Variants in CFAP161 observed in about 807,000 individuals in gnomAD.
CFAP161 encodes cilia- and flagella-associated protein 161.
Under a neutral mutation model 29.0 loss-of-function variants are expected in CFAP161, and 25 were observed. The observed-to-expected ratio is 0.86, with a 90% CI of 0.63 to 1.20. CFAP161 has a LOEUF of 1.20. Ranked by LOEUF, CFAP161 falls within the 50% of genes most tolerant of loss-of-function variation. The pLI is 0.00. For synonymous variants in CFAP161, 116 were observed against 137.4 expected, an observed-to-expected ratio of 0.84 and a Z score of 1.09; for missense variants, 367 against 371.9, an observed-to-expected ratio of 0.99 and a Z score of 0.11.
intron 2 of CFAP161, among the ~76,000 whole-genome samples, chr15:81,128,670 T>C (rs1202396893): frequency 6.6e-6 from 1 of 152,214 alleles, no homozygotes; most frequent in Admixed American, 6.5e-5. Flanking sequence ...CTCTCATTAA[T>C]GTTGATATTT....
At chr15:81,125,722 T>C (rs970256861) in intron 1 of CFAP161, among the ~76,000 whole-genome samples, 1 of 152,212 alleles carries the variant, frequency 6.6e-6, no homozygotes, top group Admixed American at 6.5e-5. Flanking sequence ...GATTTTACTA[T>C]GTAAACACAG....
At chr15:81,140,229 A>T (rs1489818154) in intron 4 of CFAP161, among the ~76,000 whole-genome samples, 1 of 152,174 alleles carries the variant, frequency 6.6e-6, no homozygotes, top group Non-Finnish European at 1.5e-5. Flanking sequence ...AGTAAAATGT[A>T]ATTCCTTCCA....
intron 1 of CFAP161, among the ~76,000 whole-genome samples, chr15:81,117,374 C>T (rs570414551): frequency 1.3e-5 from 2 of 152,134 alleles, no homozygotes; most frequent in African/African-American, 4.8e-5. Flanking sequence ...CACGCTACAG[C>T]AAGAGTCTCA....
Position 81,134,320 on chromosome 15 carries a change from G to A in CFAP161, c.-10G>A. The stretch of plus-strand genomic sequence containing the variant: ...CGGAGGGAGGCCCACTTGCTGAACA[G>A]CAGGGAGCGATGGCGCAGAACGTGT... On this transcript the variant is annotated 5_prime_UTR_variant, in exon 1 of 7. Transcript: ENST00000286732. 1.3e-6 allele frequency: 2 copies of A among 1,582,212 alleles called. No individual in the cohort carries two copies. The highest frequency in any genetic ancestry group is 2.3e-5 in the East Asian group (1 of 43,836).
At chr15:81,114,379 T>C (rs1017990256) in intron 1 of CFAP161, among the ~76,000 whole-genome samples, 2 of 152,206 alleles carry the variant, frequency 1.3e-5, no homozygotes, top group East Asian at 3.8e-4. Flanking sequence ...GGGCTTTCAG[T>C]GAGTTGTAAT....
chr15:81,123,120 A>C (rs978400737), intron 1 of CFAP161, among the ~76,000 whole-genome samples: 1 of 152,194 alleles, frequency 6.6e-6, no homozygotes, highest in Admixed American at 6.5e-5. Flanking sequence ...GCCCATGCCA[A>C]TGTCCTGAAT....
chr15:81,115,137 C>A (rs1233624746), intron 1 of CFAP161, among the ~76,000 whole-genome samples: 1 of 152,076 alleles, frequency 6.6e-6, no homozygotes, highest in Admixed American at 6.5e-5. Flanking sequence ...TTTGTGCAGT[C>A]TTTTTTATTA....
intron 1 of CFAP161, among the ~76,000 whole-genome samples, chr15:81,100,893 G>C (rs1037283691): frequency 5.3e-5 from 8 of 152,068 alleles, no homozygotes; most frequent in African/African-American, 1.7e-4. Flanking sequence ...CCTCCTGCAT[G>C]CTAGTAGCTC....
At chr15:81,147,540 G>A (rs1408183487) in intron 5 of CFAP161, among the ~76,000 whole-genome samples, 3 of 152,096 alleles carry the variant, frequency 2.0e-5, no homozygotes, top group Non-Finnish European at 2.9e-5. Context: ...GGATAGCCTC[G>A]TGTTCCTAGG....
At chr15:81,132,952 C>T (rs1894731503), upstream of CFAP161, among the ~76,000 whole-genome samples, 1 of 151,762 alleles carries the variant, frequency 6.6e-6, no homozygotes. Context: ...CCTATGTGTC[C>T]TTCAGAAGTA....
In CFAP161 at chr15:81,135,250, T is replaced by G; in HGVS notation, c.70-20T>G. 1 of 1,524,786 alleles carries G rather than the reference T, an allele frequency of 6.6e-7. No homozygotes were observed. The highest frequency in any genetic ancestry group is 8.9e-7 in the Non-Finnish European group (1 of 1,122,966). 94.5% of individuals were successfully genotyped at this position (1,524,786 alleles called of 1,614,324 possible). Reference sequence around the variant, plus strand: ...AACATCTATATTATTCAGGGCTACTTTTGTTGATTTTCTGTTTAGGAGCTC... The same window carrying G: ...AACATCTATATTATTCAGGGCTACTGTTGTTGATTTTCTGTTTAGGAGCTC... On this transcript the variant is annotated intron_variant, in intron 1 of 6. Coordinates refer to ENST00000286732, the MANE Select transcript of CFAP161 (RefSeq NM_173528.4).
At chr15:81,109,500 T>C (rs536634399) in intron 1 of CFAP161, among the ~76,000 whole-genome samples, 2 of 152,328 alleles carry the variant, frequency 1.3e-5, no homozygotes, top group South Asian at 4.1e-4. Flanking sequence ...TAGAATTGTA[T>C]GTGCTCCAGC....
chr15:81,134,489 C>T, intron 1 of CFAP161, 91 bp downstream of exon 1: 1 of 1,254,186 alleles, frequency 8.0e-7, no homozygotes, highest in African/African-American at 1.5e-5. Context: ...CGCCTCAAGC[C>T]TCCTCTCTCT....
At chr15:81,136,462 G>GT in intron 2 of CFAP161, 54 bp from the exon 3 acceptor site, 2 of 1,525,664 alleles carry the variant, frequency 1.3e-6, no homozygotes, top group Non-Finnish European at 9.1e-7. Context: ...TGCCTTGGCA[G>GT]TAACTGTTGA....
intron 1 of CFAP161, among the ~76,000 whole-genome samples, chr15:81,119,890 T>A (rs1005203113): frequency 2.2e-5 from 3 of 133,738 alleles, no homozygotes; most frequent in African/African-American, 8.0e-5. Flanking sequence ...ATCCTGTCTT[T>A]AAAAAAAAAT....
At chr15:81,114,285 A>G (rs187316599) in intron 1 of CFAP161, among the ~76,000 whole-genome samples, 37 of 152,314 alleles carry the variant, frequency 2.4e-4, no homozygotes, top group Admixed American at 1.6e-3. Flanking sequence ...GTGGTCTATT[A>G]AGTGTTCAAT....
chr15:81,130,467 G>A (rs373937426), upstream of CFAP161, among the ~76,000 whole-genome samples: 3 of 152,300 alleles, frequency 2.0e-5, no homozygotes, highest in East Asian at 1.9e-4. Context: ...TTGGGAGGCC[G>A]AGGCAGGTGG....
chr15:81,147,979 C>T lies in CFAP161; in HGVS notation c.710+48C>T, dbSNP rs774327502. ...AAAATGCTGTGATTGGGGCTGGGGG[C>T]CATGAATATAAGCAAAGAAGCTCAA... On this transcript the variant is annotated intron_variant, in intron 6 of 6. Transcript: ENST00000286732. The T allele has an allele frequency of 2.8e-6, 4 of 1,449,728 alleles. No homozygotes were observed. The Admixed American group carries it at 7.8e-5, about 28-fold the overall frequency. 89.8% of individuals were successfully genotyped at this position (1,449,728 alleles called of 1,614,324 possible). A position where few individuals can be genotyped will look rare whatever the true frequency, so the allele number is the denominator to read the frequency against.
intron 1 of CFAP161, among the ~76,000 whole-genome samples, chr15:81,122,538 C>G (rs772049134): frequency 4.7e-5 from 7 of 148,662 alleles, no homozygotes; most frequent in Non-Finnish European, 7.4e-5. Flanking sequence ...GTTGCCCAGG[C>G]TGGAGTGCAG....
Sources: gnomAD v4.1 joint callset for allele counts (sites outside exome capture counted in the v4.1 genomes callset) on GRCh38, gnomAD v4.1.1 for gene constraint, MANE v1.5 for transcripts, NCBI Gene and HGNC (gene_info 2026-07-23, HGNC 2026-07-21) for gene names.